Variants in IL1RAPL1 observed in about 807,000 individuals in gnomAD.
IL1RAPL1 encodes the protein interleukin 1 receptor accessory protein like 1.
In IL1RAPL1, 3 loss-of-function variants were observed where a neutral mutation model predicts 48.4. That is an observed-to-expected ratio of 0.06 (90% confidence interval 0.03 to 0.16). The LOEUF (loss-of-function observed/expected upper bound fraction) is 0.16, where lower values mean the gene tolerates loss of function less well. Among genes scored for constraint, IL1RAPL1 ranks in the 10% least tolerant of loss-of-function variants. The probability of loss-of-function intolerance (pLI) is 1.00; values close to 1 mark genes in which losing one functional copy is unlikely to be tolerated. For missense variants in IL1RAPL1, 349 were observed against 530.6 expected (o/e 0.66, Z 3.36); for synonymous variants, 185 against 187.7 (o/e 0.99, Z 0.12).
intron 3 of IL1RAPL1, among the ~76,000 whole-genome samples, chrX:29,363,083 G>A (rs753557678): frequency 3.6e-5 from 4 of 111,655 alleles, no homozygotes; most frequent in African/African-American, 1.3e-4. Flanking sequence ...GTTCCAGAGG[G>A]TGTGTTCTTA....
intron 1 of IL1RAPL1, among the ~76,000 whole-genome samples, chrX:28,764,449 TC>T (rs1211138893): frequency 9.0e-6 from 1 of 111,720 alleles, no homozygotes; most frequent in African/African-American, 3.3e-5. Context: ...ACGCCTGTAA[TC>T]CTGGCACTTT....
At chrX:29,494,915 C>T (rs189462763) in intron 5 of IL1RAPL1, among the ~76,000 whole-genome samples, 45 of 112,011 alleles carry the variant, frequency 4.0e-4, no homozygotes, top group Admixed American at 9.5e-4. Context: ...TGTTCGAGTT[C>T]CTATGTCTCA....
Position 29,001,897 on chromosome X carries a change from C to CTTTT in IL1RAPL1, c.82+212488_82+212491dup, listed in dbSNP as rs758737454. On this transcript the variant is annotated intron_variant, in intron 2 of 10. Coordinates refer to ENST00000378993, the MANE Select transcript of IL1RAPL1 (RefSeq NM_014271.4). ...TGTGGTAAATTCACACAATGAAGAA[C>CTTTT]TTTTTTTTTTTTTTTTTTTAACGGA... Among the ~76,000 whole-genome samples the CTTTT allele has an allele frequency of 5.7e-3, 514 of 90,125 alleles. 5 individuals are homozygous for CTTTT. The highest frequency in any genetic ancestry group is 0.02 in the African/African-American group (493 of 24,772). 78.3% of individuals were successfully genotyped at this position (90,125 alleles called of 115,157 possible). A position where few individuals can be genotyped will look rare whatever the true frequency, so the allele number is the denominator to read the frequency against.
intron 2 of IL1RAPL1, among the ~76,000 whole-genome samples, chrX:29,105,543 T>C (rs1489225563): frequency 8.9e-6 from 1 of 112,071 alleles, no homozygotes; most frequent in Non-Finnish European, 1.9e-5. Context: ...AAAGGATAAA[T>C]ACAAATCTTT....
intron 2 of IL1RAPL1, among the ~76,000 whole-genome samples, chrX:28,965,820 T>C (rs1008268856): frequency 8.9e-6 from 1 of 111,903 alleles, no homozygotes; most frequent in African/African-American, 3.2e-5. Flanking sequence ...TCATAAAGAG[T>C]GCTGTTAGAA....
At chrX:29,306,687 C>T (rs1437870575) in intron 3 of IL1RAPL1, among the ~76,000 whole-genome samples, 14 of 104,998 alleles carry the variant, frequency 1.3e-4, no homozygotes, top group African/African-American at 4.9e-4. Context: ...ATGGTAAAAC[C>T]CCATCTCTAC....
chrX:28,682,718 C>G (rs1601857858), intron 1 of IL1RAPL1, among the ~76,000 whole-genome samples: 1 of 111,853 alleles, frequency 8.9e-6, no homozygotes, highest in Non-Finnish European at 1.9e-5. Flanking sequence ...ATAGAAAATT[C>G]AAGTTATTTT....
At chrX:29,055,010 C>G (rs544762053) in intron 2 of IL1RAPL1, among the ~76,000 whole-genome samples, 2 of 111,381 alleles carry the variant, frequency 1.8e-5, no homozygotes, top group South Asian at 7.6e-4. Flanking sequence ...GACCAGTGTT[C>G]AATAGTATGT....
At chrX:29,380,268 C>A in intron 3 of IL1RAPL1, among the ~76,000 whole-genome samples, 1 of 111,860 alleles carries the variant, frequency 8.9e-6, no homozygotes, top group Admixed American at 9.5e-5. Flanking sequence ...ACTCTTGTTG[C>A]CCAGGCTGGA....
rs190529944 is a variant in IL1RAPL1, at chrX:28,816,151, C to T, written c.82+26726C>T. Among the ~76,000 whole-genome samples, 1,075 of 108,044 alleles carry T rather than the reference C, an allele frequency of 9.9e-3. 5 individuals are homozygous for T. Among genetic ancestry groups the T allele is most frequent in the Non-Finnish European group, 0.015 (763 of 51,841 alleles). The allele number at this position is 108,044 out of a possible 115,157, so 93.8% of individuals were successfully genotyped here. On this transcript the variant is annotated intron_variant, in intron 2 of 10. Coordinates refer to ENST00000378993, the MANE Select transcript of IL1RAPL1 (RefSeq NM_014271.4). ...CAGTATATGAGGTTTTCGCTTCCTTCGTATCCTCGCCAGCATCTGTTAGTC... is the reference window on the plus strand; with the variant it reads ...CAGTATATGAGGTTTTCGCTTCCTTTGTATCCTCGCCAGCATCTGTTAGTC...
chrX:29,469,985 A>G (rs2086721199), intron 5 of IL1RAPL1, among the ~76,000 whole-genome samples: 1 of 112,235 alleles, frequency 8.9e-6, no homozygotes, highest in Non-Finnish European at 1.9e-5. Context: ...ACTTCAGGAG[A>G]AAATCTTGTT....
chrX:29,170,429 CTA>C (rs1197782339), intron 2 of IL1RAPL1, among the ~76,000 whole-genome samples: 2 of 111,542 alleles, frequency 1.8e-5, no homozygotes, highest in African/African-American at 6.5e-5. Flanking sequence ...TTGACAAAAA[CTA>C]TATATGAAGA....
At chrX:29,002,332 T>C (rs1925874627) in intron 2 of IL1RAPL1, among the ~76,000 whole-genome samples, 1 of 111,588 alleles carries the variant, frequency 9.0e-6, no homozygotes, top group East Asian at 2.8e-4. Flanking sequence ...TATAAAGTTA[T>C]AAAGTTCAAA....
rs778249562 is a variant in IL1RAPL1, at chrX:29,109,560, C to T, written c.83-173378C>T. Among the ~76,000 whole-genome samples the T allele has an allele frequency of 4.5e-5, 5 of 110,415 alleles. No homozygotes were observed. The East Asian group carries it at 8.6e-4, about 19-fold the overall frequency. On this transcript the variant is annotated intron_variant, in intron 2 of 10. Transcript: ENST00000378993. Reference sequence around the variant, plus strand: ...CAAAGGTCTTGATATAATTTTTGACCGATGGGCTTTGAATCAACCAATTCT... The same window carrying T: ...CAAAGGTCTTGATATAATTTTTGACTGATGGGCTTTGAATCAACCAATTCT...
At chrX:29,664,361 G>A (rs931535093) in intron 5 of IL1RAPL1, among the ~76,000 whole-genome samples, 17 of 96,805 alleles carry the variant, frequency 1.8e-4, no homozygotes, top group African/African-American at 6.7e-4. Context: ...CGGAGATCGC[G>A]CCACTGCACT....
chrX:28,674,903 C>T (rs1311773205), intron 1 of IL1RAPL1, among the ~76,000 whole-genome samples: 1 of 111,858 alleles, frequency 8.9e-6, no homozygotes, highest in African/African-American at 3.2e-5. Flanking sequence ...TCAATGCATA[C>T]ACATTTTATA....
At chrX:29,313,571 A>C (rs1278459948) in intron 3 of IL1RAPL1, among the ~76,000 whole-genome samples, 1 of 111,773 alleles carries the variant, frequency 8.9e-6, no homozygotes, top group East Asian at 2.8e-4. Context: ...ACAATTCTAG[A>C]ACAGTGTCTA....
chrX:28,984,540 T>A (rs1258943048), intron 2 of IL1RAPL1, among the ~76,000 whole-genome samples: 3 of 112,315 alleles, frequency 2.7e-5, no homozygotes, highest in Admixed American at 9.4e-5. Flanking sequence ...TCTTTCTCCT[T>A]GAAAACCTCT....
Position 28,787,667 on chromosome X carries a change from A to C in IL1RAPL1, c.-24-1653A>C, listed in dbSNP as rs962625291. 7.3e-5 allele frequency among the ~76,000 whole-genome samples: 8 copies of C among 110,163 alleles called. No individual in the cohort carries two copies. In the East Asian group the frequency reaches 1.4e-3, roughly 19 times the overall value. On this transcript the variant is annotated intron_variant, in intron 1 of 10. Transcript: ENST00000378993. ...GAATGGATTTTGCTTTTGTTTTGTGAATTAAAATGTGTTTTAACAGACTTA... is the reference window on the plus strand; with the variant it reads ...GAATGGATTTTGCTTTTGTTTTGTGCATTAAAATGTGTTTTAACAGACTTA...
Sources: gnomAD v4.1 joint callset for allele counts (sites outside exome capture counted in the v4.1 genomes callset) on GRCh38, gnomAD v4.1.1 for gene constraint, MANE v1.5 for transcripts, NCBI Gene and HGNC (gene_info 2026-07-23, HGNC 2026-07-21) for gene names.